The following TM9SF3 variants were observed in gnomAD, a reference collection of about 807,000 sequenced individuals.
TM9SF3 encodes SM-11044-binding protein.
In TM9SF3, 14 loss-of-function variants were observed where a neutral mutation model predicts 78.6. The ratio of observed to expected loss-of-function variants is 0.18; its 90% CI spans 0.12 to 0.28. The LOEUF is 0.28. TM9SF3 is among the 10% of genes least tolerant of loss of function. TM9SF3 has a pLI of 1.00. For missense variants in TM9SF3, 496 were observed against 721.9 expected, an observed-to-expected ratio of 0.69 and a Z score of 3.59; for synonymous variants, 231 against 241.7, an observed-to-expected ratio of 0.96 and a Z score of 0.41.
Position 96,533,496 on chromosome 10 carries a change from T to A in TM9SF3, c.1186-306A>T, listed in dbSNP as rs184776807. Reference sequence around the variant, plus strand: ...TTCACTCTCAGCTGTCATGCTTTTTTAATATATTTATCCATTGTCTTTCAT... The same window carrying A: ...TTCACTCTCAGCTGTCATGCTTTTTAAATATATTTATCCATTGTCTTTCAT... On this transcript the variant is annotated intron_variant, in intron 9 of 14. Coordinates refer to ENST00000371142, the MANE Select transcript of TM9SF3 (RefSeq NM_020123.4). Among the ~76,000 whole-genome samples the A allele has an allele frequency of 3.1e-3, 472 of 152,352 alleles. 7 individuals are homozygous for A. Among genetic ancestry groups the A allele is most frequent in the African/African-American group, 0.01 (426 of 41,592 alleles).
rs1848150236 is a variant in TM9SF3, at chr10:96,550,160, C to T, written c.959+1085G>A. ...GAAAGGTTATATTAAAGAAATACAACCAATGCTACAGAGAAATAGCTTTGT... is the reference window on the plus strand; with the variant it reads ...GAAAGGTTATATTAAAGAAATACAATCAATGCTACAGAGAAATAGCTTTGT... On this transcript the variant is annotated intron_variant, in intron 7 of 14. Coordinates refer to ENST00000371142, the MANE Select transcript of TM9SF3 (RefSeq NM_020123.4). Among the ~76,000 whole-genome samples the T allele has an allele frequency of 3.3e-5, 5 of 152,238 alleles. No homozygotes were observed. In the South Asian group the frequency reaches 1.0e-3, roughly 32 times the overall value.
At chr10:96,541,046 G>A (rs1286314890) in intron 9 of TM9SF3, among the ~76,000 whole-genome samples, 5 of 151,812 alleles carry the variant, frequency 3.3e-5, no homozygotes, top group African/African-American at 4.8e-5. Flanking sequence ...TTACAGGCAG[G>A]AGCCACTGCG....
chr10:96,531,882 A>T (rs763628910), intron 10 of TM9SF3, among the ~76,000 whole-genome samples: 107 of 152,172 alleles, frequency 7.0e-4, no homozygotes, highest in Non-Finnish European at 6.5e-4. Flanking sequence ...GATGGGTCCT[A>T]ACATACTGAT....
In TM9SF3 at chr10:96,565,890, A is replaced by G. The variant is rs142861278; in HGVS notation, c.299-464T>C. On this transcript the variant is annotated intron_variant, in intron 2 of 14. Transcript: ENST00000371142. ...CATTCTTGGAAAGACAAGTTACTGGAAGCCACAGATTCTATGAAAACACCC... is the reference window on the plus strand; with the variant it reads ...CATTCTTGGAAAGACAAGTTACTGGGAGCCACAGATTCTATGAAAACACCC... 1.7e-3 allele frequency among the ~76,000 whole-genome samples: 259 copies of G among 152,294 alleles called. 1 individual carries two copies. In the Middle Eastern group the frequency reaches 0.024, roughly 14 times the overall value.
chr10:96,584,026 C>G (rs1848603103), intron 1 of TM9SF3, among the ~76,000 whole-genome samples: 3 of 151,808 alleles, frequency 2.0e-5, no homozygotes, highest in Admixed American at 2.0e-4. Context: ...AAGAGCAAAA[C>G]TATGCCTCAA....
intron 2 of TM9SF3, among the ~76,000 whole-genome samples, chr10:96,569,389 C>T (rs910210440): frequency 6.6e-5 from 10 of 152,166 alleles, no homozygotes; most frequent in Non-Finnish European, 1.0e-4. Context: ...CAGAGCCTAC[C>T]ATCGTGCTGG....
At chr10:96,543,341 A>ATTTTTTTTTT (rs747592959) in intron 9 of TM9SF3, among the ~76,000 whole-genome samples, 1 of 8,504 alleles carries the variant, frequency 1.2e-4, no homozygotes, top group African/African-American at 3.6e-4. Context: ...GCTTAGTGAG[A>ATTTTTTTTTT]TTCTTTTTTT....
At chr10:96,542,932 TTTG>T (rs1848051277) in intron 9 of TM9SF3, among the ~76,000 whole-genome samples, 1 of 152,232 alleles carries the variant, frequency 6.6e-6, no homozygotes, top group Non-Finnish European at 1.5e-5. Flanking sequence ...TGGGAAACTA[TTTG>T]TTAACTCCCA....
chr10:96,570,777 C>T (rs1394488780), intron 2 of TM9SF3, among the ~76,000 whole-genome samples: 3 of 152,138 alleles, frequency 2.0e-5, no homozygotes, highest in Non-Finnish European at 2.9e-5. Flanking sequence ...TGGAGTTTTG[C>T]TCTTGTCACG....
intron 9 of TM9SF3, among the ~76,000 whole-genome samples, chr10:96,542,446 T>C (rs907147462): frequency 6.6e-6 from 1 of 152,182 alleles, no homozygotes; most frequent in Admixed American, 6.5e-5. Context: ...TTTGTAATTA[T>C]TAAATTATCT....
At chr10:96,564,096 T>C (rs1186658484) in intron 3 of TM9SF3, among the ~76,000 whole-genome samples, 1 of 126,162 alleles carries the variant, frequency 7.9e-6, no homozygotes, top group Non-Finnish European at 1.7e-5. Flanking sequence ...TTAGTTTAAA[T>C]AAAGCAAGAC....
chr10:96,573,000 C>T (rs1005877692), intron 2 of TM9SF3, among the ~76,000 whole-genome samples: 1 of 152,014 alleles, frequency 6.6e-6, no homozygotes, highest in African/African-American at 2.4e-5. Context: ...TCCATGGAGC[C>T]TGACACAGTC....
rs537455529 is a variant in TM9SF3 at position 96,586,703 on chromosome 10, C to A, written c.102+31G>T. The A allele has an allele frequency of 8.8e-4, 1,068 of 1,218,820 alleles. 11 individuals are homozygous for A. The African/African-American group carries it at 0.013, about 15-fold the overall frequency. 75.5% of individuals were successfully genotyped at this position (1,218,820 alleles called of 1,614,324 possible). ...TCAGTGGGCAACTGGGGAGCTAGCC[C>A]GGGGCGGCCGCGCCGGCCGGGGCGC... On this transcript the variant is annotated intron_variant, in intron 1 of 14. Transcript: ENST00000371142.
Position 96,586,799 on chromosome 10 carries a change from C to T in TM9SF3, c.37G>A (p.Ala13Thr). ...PLPGALGVAA[A>T]AALWLLLLLL... is the part of the protein sequence containing the mutation. The stretch of plus-strand genomic sequence containing the variant: ...AGCAGCAGCAGCCACAGCGCGGCGG[C>T]CGCCGCCACGCCAAGAGCGCCAGGC... The change falls in exon 1 of 15, where the codon GCC becomes ACC. Residue 13 changes from alanine (A) to threonine (T), a missense_variant. By Grantham distance (58) the Ala-to-Thr change is moderately conservative. Around this residue, in one of 4 missense-constraint regions of TM9SF3, gnomAD observed 58 missense variants for 32.9 expected, o/e 1.76. Transcript: ENST00000371142. 1 of 1,278,804 alleles carries T rather than the reference C, an allele frequency of 7.8e-7. No homozygotes were observed. The highest frequency in any genetic ancestry group is 1.5e-5 in the African/African-American group (1 of 64,730). 79.2% of individuals were successfully genotyped at this position (1,278,804 alleles called of 1,614,324 possible). A position where few individuals can be genotyped will look rare whatever the true frequency, so the allele number is the denominator to read the frequency against.
At chr10:96,560,486 G>A in intron 4 of TM9SF3, 1 of 750,960 alleles carries the variant, frequency 1.3e-6, no homozygotes, top group Non-Finnish European at 2.4e-6. Flanking sequence ...TGCTTTTATG[G>A]TTGAAGTGTG....
rs373562233 is a variant in TM9SF3, at chr10:96,529,620, T to C, written c.1394+920A>G. ...AAGGAAAAAAATGAAAAAATTTCAA[T>C]GAAAAAAAAGACCATGGCTCTATAT... On this transcript the variant is annotated intron_variant, in intron 11 of 14. Transcript: ENST00000371142. Among the ~76,000 whole-genome samples, 11 of 148,528 alleles carry C rather than the reference T, an allele frequency of 7.4e-5. No individual in the cohort carries two copies. The East Asian group carries it at 2.1e-3, about 29-fold the overall frequency.
At chr10:96,544,018 G>C (rs193000141) in intron 9 of TM9SF3, 58 bp downstream of exon 9, 8 of 1,538,580 alleles carry the variant, frequency 5.2e-6, no homozygotes, top group Non-Finnish European at 7.0e-6. Flanking sequence ...AGGGTGAGTA[G>C]GTCTCAGTTA....
chr10:96,580,305 G>A (rs754867661), intron 1 of TM9SF3, among the ~76,000 whole-genome samples: 27 of 151,752 alleles, frequency 1.8e-4, no homozygotes, highest in Non-Finnish European at 2.4e-4. Context: ...TTGCTCTGTC[G>A]CCCAGGCTGC....
chr10:96,521,120 A>G lies in TM9SF3; in HGVS notation c.*1143T>C. On this transcript the variant is annotated 3_prime_UTR_variant, in exon 15 of 15. Coordinates refer to ENST00000371142, the MANE Select transcript of TM9SF3 (RefSeq NM_020123.4). ...CTCCTGTAGGAGTCTCAGAAAATAAACAGAAGAAAACAACCCCCCTCCCAA... is the reference window on the plus strand; with the variant it reads ...CTCCTGTAGGAGTCTCAGAAAATAAGCAGAAGAAAACAACCCCCCTCCCAA... 1 of 377,802 alleles carries G rather than the reference A, an allele frequency of 2.6e-6. No homozygotes were observed. 23.4% of individuals were successfully genotyped at this position (377,802 alleles called of 1,614,324 possible). A position where few individuals can be genotyped will look rare whatever the true frequency, so the allele number is the denominator to read the frequency against.
Sources: allele counts gnomAD v4.1 joint callset (sites outside exome capture counted in the v4.1 genomes callset), GRCh38; gene constraint gnomAD v4.1.1; regional missense constraint gnomAD v4.1.1; transcripts MANE v1.5; gene names NCBI Gene and HGNC (gene_info 2026-07-23, HGNC 2026-07-21).